Variants in HNF4G observed in about 807,000 individuals in gnomAD.
HNF4G encodes the protein hepatocyte nuclear factor 4 gamma, also known as hepatocyte nuclear factor 4-gamma.
In HNF4G, 21 loss-of-function variants were observed where a neutral mutation model predicts 50.9. The observed-to-expected ratio is 0.41, with a 90% CI of 0.29 to 0.59. HNF4G has a LOEUF of 0.59. HNF4G is among the 20% of genes least tolerant of loss of function. HNF4G has a pLI of 0.26. For missense variants in HNF4G, 527 were observed against 559.4 expected (o/e 0.94, Z 0.58); for synonymous variants, 198 against 185.6 (o/e 1.07, Z -0.54).
intron 1 of HNF4G, among the ~76,000 whole-genome samples, chr8:75,464,002 A>C (rs1040349674): frequency 6.6e-6 from 1 of 152,078 alleles, no homozygotes; most frequent in Non-Finnish European, 1.5e-5. Context: ...TTGAATTCCC[A>C]ACCTCAGGTG....
intron 9 of HNF4G, among the ~76,000 whole-genome samples, chr8:75,563,114 A>T (rs1358644500): frequency 6.6e-6 from 1 of 152,162 alleles, no homozygotes; most frequent in East Asian, 1.9e-4. Context: ...AAGTTTACAA[A>T]GCCTCAGCCT....
intron 1 of HNF4G, among the ~76,000 whole-genome samples, chr8:75,458,842 A>C (rs183752885): frequency 6.6e-6 from 1 of 152,128 alleles, no homozygotes; most frequent in African/African-American, 2.4e-5. Context: ...TCTTTCTTCT[A>C]TTTTATTTTT....
At chr8:75,536,494 G>T (rs1007125893), upstream of HNF4G, among the ~76,000 whole-genome samples, 2 of 151,812 alleles carry the variant, frequency 1.3e-5, no homozygotes, top group Non-Finnish European at 2.9e-5. Context: ...TAGCCTTAAT[G>T]AATTTACCCA....
intron 2 of HNF4G, among the ~76,000 whole-genome samples, chr8:75,498,991 C>A (rs1812854123): frequency 6.6e-6 from 1 of 151,974 alleles, no homozygotes; most frequent in Non-Finnish European, 1.5e-5. Flanking sequence ...TCTGTTTTTG[C>A]TACTTCTATT....
chr8:75,555,841 G>T (rs779409801), intron 5 of HNF4G, 141 bp from the exon 6 acceptor site: 2 of 414,866 alleles, frequency 4.8e-6, no homozygotes, highest in Non-Finnish European at 8.7e-6. Flanking sequence ...AAGGCTTAAT[G>T]ATGGCATGTA....
upstream of HNF4G, among the ~76,000 whole-genome samples, chr8:75,538,300 G>A (rs1043365650): frequency 6.6e-6 from 1 of 152,110 alleles, no homozygotes; most frequent in South Asian, 2.1e-4. Flanking sequence ...GCCTGGATCC[G>A]GTACTGTCAC....
chr8:75,447,341 C>G (rs1261722813), intron 1 of HNF4G, among the ~76,000 whole-genome samples: 2 of 95,142 alleles, frequency 2.1e-5, no homozygotes, highest in Admixed American at 1.0e-4. Context: ...AGAAGAAAAC[C>G]TAGGCATTAC....
chr8:75,516,161 G>C (rs1024365916), intron 2 of HNF4G, among the ~76,000 whole-genome samples: 2 of 152,180 alleles, frequency 1.3e-5, no homozygotes, highest in African/African-American at 2.4e-5. Context: ...AGCTGTCTGG[G>C]CATCACTTAG....
intron 1 of HNF4G, among the ~76,000 whole-genome samples, chr8:75,436,833 C>G (rs1176492409): frequency 2.3e-5 from 1 of 42,734 alleles, no homozygotes; most frequent in Non-Finnish European, 4.5e-5. Flanking sequence ...CACTTGAGGC[C>G]AGGAGTTGCA....
rs144392926 is a variant in HNF4G, at chr8:75,565,921, T to C, written c.*1825T>C. 2 of 152,300 alleles carry C rather than the reference T, an allele frequency of 1.3e-5. No individual in the cohort carries two copies. The highest frequency in any genetic ancestry group is 6.5e-5 in the Admixed American group (1 of 15,292). 9.4% of individuals were successfully genotyped at this position (152,300 alleles called of 1,614,324 possible). On this transcript the variant is annotated 3_prime_UTR_variant, in exon 10 of 10. Coordinates refer to ENST00000396423, the MANE Select transcript of HNF4G (RefSeq NM_004133.5). Reference sequence around the variant, plus strand: ...TCATATGGGGGGAGTTTTTTAACTCTTATTTTTTGAAAATTTACTGTAGCT... The same window carrying C: ...TCATATGGGGGGAGTTTTTTAACTCCTATTTTTTGAAAATTTACTGTAGCT...
In HNF4G at chr8:75,547,659, T is replaced by C. The variant is rs188288774; in HGVS notation, c.360T>C (p.Phe120=). 4.9e-5 allele frequency: 79 copies of C among 1,604,252 alleles called. No individual in the cohort carries two copies. Among genetic ancestry groups the C allele is most frequent in the Non-Finnish European group, 5.0e-5 (58 of 1,171,120 alleles). Residue 120 remains phenylalanine (F), a synonymous_variant, in exon 3 of 10, where the codon TTT becomes TTC. Coordinates refer to ENST00000396423, the MANE Select transcript of HNF4G (RefSeq NM_004133.5). ...QCRYCRLRKC[F]RAGMKKEAVQ... ...GATATTGTCGATTAAGAAAGTGTTT[T>C]AGAGCGGGAATGAAAAAAGAAGGTA...
chr8:75,468,505 C>T (rs1812042103), intron 1 of HNF4G, among the ~76,000 whole-genome samples: 1 of 152,078 alleles, frequency 6.6e-6, no homozygotes, highest in South Asian at 2.1e-4. Flanking sequence ...ACCAGCCTGA[C>T]CAACATGTTG....
At chr8:75,454,259 A>G (rs1041057299) in intron 1 of HNF4G, among the ~76,000 whole-genome samples, 10 of 152,144 alleles carry the variant, frequency 6.6e-5, no homozygotes, top group Admixed American at 1.3e-4. Flanking sequence ...AGTCTCAAGA[A>G]CCGAGAGAAA....
intron 1 of HNF4G, among the ~76,000 whole-genome samples, chr8:75,483,101 T>C (rs1229237521): frequency 6.6e-6 from 1 of 152,168 alleles, no homozygotes; most frequent in African/African-American, 2.4e-5. Context: ...TTTGAAATGA[T>C]TTGTTTATAA....
At chr8:75,475,691 C>T (rs1323474531) in intron 1 of HNF4G, among the ~76,000 whole-genome samples, 1 of 152,132 alleles carries the variant, frequency 6.6e-6, no homozygotes, top group Non-Finnish European at 1.5e-5. Context: ...GCACTGAAAA[C>T]ATACAGCTTC....
chr8:75,517,722 T>C (rs186602525), intron 2 of HNF4G, among the ~76,000 whole-genome samples: 28 of 152,266 alleles, frequency 1.8e-4, no homozygotes, highest in African/African-American at 6.3e-4. Flanking sequence ...GGGCTGGAGC[T>C]AAGTTCTGCG....
chr8:75,495,435 C>T (rs967960002), intron 2 of HNF4G: 1 of 152,020 alleles, frequency 6.6e-6, no homozygotes, highest in Non-Finnish European at 1.5e-5. Context: ...GAGGAGCTAA[C>T]AGGATCCTGA....
At chr8:75,546,408 G>A (rs1472674700) in intron 2 of HNF4G, among the ~76,000 whole-genome samples, 1 of 151,988 alleles carries the variant, frequency 6.6e-6, no homozygotes, top group Non-Finnish European at 1.5e-5. Flanking sequence ...AAGTATACAA[G>A]TCAGTTTTTT....
chr8:75,563,867 T>C, intron 9 of HNF4G, 108 bp from the exon 10 acceptor site: 1 of 1,266,984 alleles, frequency 7.9e-7, no homozygotes, highest in Non-Finnish European at 1.1e-6. Context: ...TAGGATATTT[T>C]AAAAACATTT....
Sources: allele counts gnomAD v4.1 joint callset (sites outside exome capture counted in the v4.1 genomes callset), GRCh38; gene constraint gnomAD v4.1.1; transcripts MANE v1.5; gene names NCBI Gene and HGNC (gene_info 2026-07-23, HGNC 2026-07-21).